The following ORAI2 variants were observed in gnomAD, a reference collection of about 807,000 sequenced individuals.
ORAI2 encodes the protein protein orai-2.
A neutral mutation model predicts 16.2 loss-of-function variants in ORAI2; 10 were observed. That is an observed-to-expected ratio of 0.62 (90% CI 0.38 to 1.04). The LOEUF (loss-of-function observed/expected upper bound fraction) is 1.04. Ranked by LOEUF, ORAI2 falls within the 50% of genes least tolerant of loss-of-function variation. ORAI2 has a pLI of 0.01. For synonymous variants in ORAI2, 150 were observed against 157.5 expected, an observed-to-expected ratio of 0.95 and a Z score of 0.35; for missense variants, 238 against 355.5, an observed-to-expected ratio of 0.67 and a Z score of 2.66.
Position 102,454,124 on chromosome 7 carries a change from G to C in ORAI2, c.*7072G>C, listed in dbSNP as rs1041250245. On this transcript the variant is annotated 3_prime_UTR_variant, in exon 4 of 4. Transcript: ENST00000495936. ...AAACCCATGTAGAACCTGCCAACCT[G>C]TAGCTCACACCTATAATCCCAGCAC... The C allele has an allele frequency of 2.6e-5, 4 of 152,264 alleles. No individual in the cohort carries two copies. Among genetic ancestry groups the C allele is most frequent in the Non-Finnish European group, 4.4e-5 (3 of 68,204 alleles). 9.4% of individuals were successfully genotyped at this position (152,264 alleles called of 1,614,324 possible).
intron 3 of ORAI2, among the ~76,000 whole-genome samples, chr7:102,444,944 G>A (rs546837010): frequency 1.3e-5 from 2 of 152,170 alleles, no homozygotes; most frequent in South Asian, 4.2e-4. Context: ...TGGGATTATA[G>A]GTGTGAGCCA....
intron 2 of ORAI2, 61 bp downstream of exon 2, chr7:102,436,394 G>C: frequency 1.0e-6 from 1 of 958,816 alleles, no homozygotes; most frequent in Non-Finnish European, 1.2e-6. Flanking sequence ...TGTTGGCCAG[G>C]GAAGGCTGTG....
rs1391078268 is a variant in ORAI2 at position 102,456,506 on chromosome 7, C to G, written c.*9454C>G. On this transcript the variant is annotated 3_prime_UTR_variant, in exon 4 of 4. Coordinates refer to ENST00000495936, the MANE Select transcript of ORAI2 (RefSeq NM_001126340.3). ...CCTCCCACCTGAGCCCCGCAAAGTA[C>G]TCGGATTACAGGTGTGAGTCACCGC... is the stretch of plus-strand genomic sequence containing the variant. 6.6e-6 allele frequency: 1 copy of G among 152,230 alleles called. No homozygotes were observed. Among genetic ancestry groups the G allele is most frequent in the Non-Finnish European group, 1.5e-5 (1 of 68,076 alleles). 9.4% of individuals were successfully genotyped at this position (152,230 alleles called of 1,614,324 possible). A position where few individuals can be genotyped will look rare whatever the true frequency, so the allele number is the denominator to read the frequency against.
At chr7:102,436,415 CTTG>C (rs1169279549) in intron 2 of ORAI2, 82 bp downstream of exon 2, 2 of 875,478 alleles carry the variant, frequency 2.3e-6, no homozygotes, top group Non-Finnish European at 2.7e-6. Context: ...GCTTTGTAGC[CTTG>C]TTGAGAACAA....
At chr7:102,441,549 A>T (rs1479024866) in intron 3 of ORAI2, among the ~76,000 whole-genome samples, 3 of 151,576 alleles carry the variant, frequency 2.0e-5, no homozygotes, top group Non-Finnish European at 4.4e-5. Flanking sequence ...AAAAAAAAAA[A>T]AAAGAAAAAA....
At chr7:102,436,093 T>A in intron 1 of ORAI2, 132 bp from the exon 2 acceptor site, 1 of 155,308 alleles carries the variant, frequency 6.4e-6, no homozygotes, top group Non-Finnish European at 1.4e-5. Flanking sequence ...ACTGCGGTCA[T>A]CAGACCTGCA....
chr7:102,445,803 T>C (rs1030592814), intron 3 of ORAI2, among the ~76,000 whole-genome samples: 5 of 151,788 alleles, frequency 3.3e-5, no homozygotes, highest in African/African-American at 7.3e-5. Context: ...CTTTCTTTTG[T>C]TTCCTTCCTT....
At chr7:102,440,639 A>C (rs1336609985) in intron 3 of ORAI2, among the ~76,000 whole-genome samples, 2 of 151,698 alleles carry the variant, frequency 1.3e-5, no homozygotes, top group African/African-American at 4.8e-5. Flanking sequence ...AGCTCAAGCC[A>C]TCCTCCTGCC....
chr7:102,436,806 G>A (rs1797071689), intron 2 of ORAI2, among the ~76,000 whole-genome samples: 1 of 152,062 alleles, frequency 6.6e-6, no homozygotes, highest in African/African-American at 2.4e-5. Flanking sequence ...CGCCTTCTGG[G>A]TTCAAGCGAT....
In ORAI2 at chr7:102,451,458, G is replaced by A. The variant is rs1397107491; in HGVS notation, c.*4406G>A. Reference sequence around the variant, plus strand: ...AGGACCAGACCACGTAAGCCTGAGTGGATCCTGACTCAGCTGCAGCCCTTA... The same window carrying A: ...AGGACCAGACCACGTAAGCCTGAGTAGATCCTGACTCAGCTGCAGCCCTTA... On this transcript the variant is annotated 3_prime_UTR_variant, in exon 4 of 4. Coordinates refer to ENST00000495936, the MANE Select transcript of ORAI2 (RefSeq NM_001126340.3). 6.6e-6 allele frequency: 1 copy of A among 152,222 alleles called. No homozygotes were observed. Among genetic ancestry groups the A allele is most frequent in the African/African-American group, 2.4e-5 (1 of 41,450 alleles). 9.4% of individuals were successfully genotyped at this position (152,222 alleles called of 1,614,324 possible). A position where few individuals can be genotyped will look rare whatever the true frequency, so the allele number is the denominator to read the frequency against.
chr7:102,446,773 G>C lies in ORAI2; in HGVS notation c.486G>C (p.Leu162=), dbSNP rs1218675981. The C allele has an allele frequency of 1.2e-6, 2 of 1,614,164 alleles. No homozygotes were observed. The highest frequency in any genetic ancestry group is 1.7e-6 in the Non-Finnish European group (2 of 1,180,044). Reference sequence around the variant, plus strand: ...CCGTGCTTGGCATCCTACTCTTCCTGGCCGAGGTGGTGCTGCTCTGCTGGA... The same window carrying C: ...CCGTGCTTGGCATCCTACTCTTCCTCGCCGAGGTGGTGCTGCTCTGCTGGA... ...FSTVLGILLF[L]AEVVLLCWIK... is the part of the protein sequence containing the mutation. Residue 162 remains leucine, a synonymous_variant, in exon 4 of 4, where the codon CTG becomes CTC. Coordinates refer to ENST00000495936, the MANE Select transcript of ORAI2 (RefSeq NM_001126340.3).
At chr7:102,445,620 T>G (rs1277797985) in intron 3 of ORAI2, among the ~76,000 whole-genome samples, 1 of 152,002 alleles carries the variant, frequency 6.6e-6, no homozygotes, top group African/African-American at 2.4e-5. Context: ...CCGGCTAATT[T>G]TGTATTTTTT....
chr7:102,445,521 C>G (rs1797326955), intron 3 of ORAI2, among the ~76,000 whole-genome samples: 1 of 152,110 alleles, frequency 6.6e-6, no homozygotes, highest in East Asian at 1.9e-4. Flanking sequence ...GTGATCATAG[C>G]TCACTGCAGC....
At chr7:102,442,720 G>A (rs903884428) in intron 3 of ORAI2, among the ~76,000 whole-genome samples, 2 of 151,744 alleles carry the variant, frequency 1.3e-5, no homozygotes, top group Admixed American at 1.3e-4. Flanking sequence ...GCCAGGCGTG[G>A]TGGCTGGCAC....
intron 2 of ORAI2, among the ~76,000 whole-genome samples, chr7:102,437,629 T>C (rs1797095669): frequency 6.6e-6 from 1 of 151,864 alleles, no homozygotes; most frequent in Non-Finnish European, 1.5e-5. Context: ...AATAAATAAA[T>C]TTAGAAAATA....
chr7:102,449,242 G>T lies in ORAI2; in HGVS notation c.*2190G>T, dbSNP rs1317809141. The T allele has an allele frequency of 1.3e-5, 2 of 151,974 alleles. No homozygotes were observed. Among genetic ancestry groups the T allele is most frequent in the African/African-American group, 4.8e-5 (2 of 41,430 alleles). The allele number at this position is 151,974 out of a possible 1,614,324, so 9.4% of individuals were successfully genotyped here. A position where few individuals can be genotyped will look rare whatever the true frequency, so the allele number is the denominator to read the frequency against. On this transcript the variant is annotated 3_prime_UTR_variant, in exon 4 of 4. Transcript: ENST00000495936. Reference sequence around the variant, plus strand: ...TGCAGCCTGTAGAAACGCCTCTTACGGTTTAATATGTGTTCGCTTTGCTAA... The same window carrying T: ...TGCAGCCTGTAGAAACGCCTCTTACTGTTTAATATGTGTTCGCTTTGCTAA...
rs562053916 is a variant in ORAI2, at chr7:102,433,779, G to C, written c.-123+118G>C. On this transcript the variant is annotated intron_variant, in intron 1 of 3. Transcript: ENST00000495936. The surrounding 1 kb of genome is among the most constrained non-coding windows in gnomAD (Gnocchi z 4.6). The stretch of plus-strand genomic sequence containing the variant: ...GGACGACTGTAGGCTGCCCGGGCGC[G>C]GTCACTACCCATCCGGGGTTGGTGA... 6.6e-6 allele frequency: 1 copy of C among 152,106 alleles called. No individual in the cohort carries two copies. Among genetic ancestry groups the C allele is most frequent in the Admixed American group, 6.5e-5 (1 of 15,284 alleles). The allele number at this position is 152,106 out of a possible 1,614,324, so 9.4% of individuals were successfully genotyped here. A position where few individuals can be genotyped will look rare whatever the true frequency, so the allele number is the denominator to read the frequency against.
rs1231339248 is a variant in ORAI2, at chr7:102,451,134, G to T, written c.*4082G>T. 1 of 151,532 alleles carries T rather than the reference G, an allele frequency of 6.6e-6. No individual in the cohort carries two copies. The highest frequency in any genetic ancestry group is 2.4e-5 in the African/African-American group (1 of 41,124). 9.4% of individuals were successfully genotyped at this position (151,532 alleles called of 1,614,324 possible). On this transcript the variant is annotated 3_prime_UTR_variant, in exon 4 of 4. Transcript: ENST00000495936. The stretch of plus-strand genomic sequence containing the variant: ...GAGAATGGCGTGAACCCGGGAGGCG[G>T]AGGTTGCAGTGAGCCGAGATCACGC...
Position 102,445,889 on chromosome 7 carries a change from CTT to C in ORAI2, c.226-622_226-621del, listed in dbSNP as rs1337451203. ...CTTTTTCTTTTCTTTCTCTCTCTTT[CTT>C]TCTCTCTTTCTCTTTCTCTCTCTTT... On this transcript the variant is annotated intron_variant, in intron 3 of 3. Transcript: ENST00000495936. Among the ~76,000 whole-genome samples the C allele has an allele frequency of 2.5e-4, 28 of 111,628 alleles. 1 individual carries two copies. Among genetic ancestry groups the C allele is most frequent in the Middle Eastern group, 3.6e-3 (1 of 278 alleles). 73.2% of individuals were successfully genotyped at this position (111,628 alleles called of 152,430 possible). A position where few individuals can be genotyped will look rare whatever the true frequency, so the allele number is the denominator to read the frequency against.
Sources: allele counts gnomAD v4.1 joint callset (sites outside exome capture counted in the v4.1 genomes callset), GRCh38; gene constraint gnomAD v4.1.1; non-coding constraint Gnocchi (gnomAD v3.1); transcripts MANE v1.5; gene names NCBI Gene and HGNC (gene_info 2026-07-23, HGNC 2026-07-21).